ITK: variants seen among roughly 807,000 people sequenced by gnomAD.
ITK encodes the protein tyrosine-protein kinase ITK/TSK.
A neutral mutation model predicts 87.6 loss-of-function variants in ITK; 45 were observed. The observed-to-expected ratio is 0.51, with a 90% CI of 0.40 to 0.66. The LOEUF (loss-of-function observed/expected upper bound fraction) is 0.66. Ranked by LOEUF, ITK falls within the 30% of genes least tolerant of loss-of-function variation. The pLI is 0.00. For missense variants in ITK, 605 were observed against 766.3 expected, an observed-to-expected ratio of 0.79 and a Z score of 2.48; for synonymous variants, 303 against 273.6, an observed-to-expected ratio of 1.11 and a Z score of -1.06.
At chr5:157,249,733 T>G (rs77323274) in intron 16 of ITK, among the ~76,000 whole-genome samples, 2,534 of 152,374 alleles carry the variant, frequency 0.017, 31 homozygotes, top group Non-Finnish European at 0.028. Flanking sequence ...AACTTCCTTT[T>G]TCTTACTGTT....
chr5:157,234,775 G>C (rs905891183), intron 8 of ITK, among the ~76,000 whole-genome samples: 4 of 152,204 alleles, frequency 2.6e-5, no homozygotes, highest in Admixed American at 2.6e-4. Context: ...CACACACCAG[G>C]GTCTGTCAGT....
At chr5:157,226,146 G>A (rs1271499175) in intron 6 of ITK, among the ~76,000 whole-genome samples, 1 of 152,204 alleles carries the variant, frequency 6.6e-6, no homozygotes, top group African/African-American at 2.4e-5. Context: ...CATGTCATAT[G>A]TGTGACCATG....
chr5:157,228,624 A>C (rs908806297), intron 7 of ITK, among the ~76,000 whole-genome samples: 3 of 152,150 alleles, frequency 2.0e-5, no homozygotes, highest in Admixed American at 1.3e-4. Context: ...AGTACTTAAA[A>C]AGAAATTTTT....
chr5:157,252,573 A>G (rs1282593783), intron 16 of ITK, 34 bp from the exon 17 acceptor site: 26 of 1,544,494 alleles, frequency 1.7e-5, no homozygotes, highest in Non-Finnish European at 2.2e-5. Context: ...GCATAAGTAC[A>G]AGGAACTTAC....
rs140789631 is a variant in ITK, at chr5:157,218,168, G to A, written c.495+261G>A. The stretch of plus-strand genomic sequence containing the variant: ...AACAAATACTGATATCAAATTGGGT[G>A]GCCATTCACCTGACCACTTTGGAGT... On this transcript the variant is annotated intron_variant, in intron 5 of 16. Transcript: ENST00000422843. 3.9e-4 allele frequency among the ~76,000 whole-genome samples: 60 copies of A among 152,214 alleles called. 1 individual carries two copies. Among genetic ancestry groups the A allele is most frequent in the Non-Finnish European group, 7.4e-4 (50 of 68,008 alleles).
chr5:157,232,354 G>A lies in ITK; in HGVS notation c.728G>A (p.Ser243Asn), dbSNP rs764814711. The change falls in exon 8 of 17, where the codon AGT (serine) becomes AAT (asparagine). Residue 243 changes from serine (S) to asparagine (N), a missense_variant. By Grantham distance (46) the Ser-to-Asn change is conservative (BLOSUM62 1). Transcript: ENST00000422843. ...CTTGCTTTCAGGTGGTACAATAAGA[G>A]TATCAGCCGAGACAAAGCTGAAAAA... ...NLETYEWYNK[S>N]ISRDKAEKLL... 3 of 1,610,874 alleles carry A rather than the reference G, an allele frequency of 1.9e-6. No individual in the cohort carries two copies. The highest frequency in any genetic ancestry group is 2.5e-6 in the Non-Finnish European group (3 of 1,177,444).
intron 11 of ITK, 84 bp from the exon 12 acceptor site, chr5:157,243,539 G>T: frequency 8.8e-7 from 1 of 1,133,606 alleles, no homozygotes; most frequent in Non-Finnish European, 1.3e-6. Flanking sequence ...TAAAATTCTA[G>T]TTAGGGCTTT....
In ITK at chr5:157,245,968, C is replaced by T; in HGVS notation, c.1602C>T (p.Arg534=). ...WASPEVFSFS[R]YSSKSDVWSF... ...CCCCAGAGGTTTTCTCTTTCAGTCG[C>T]TATAGCAGCAAGTCCGATGTGTGGT... Residue 534 remains arginine, a synonymous_variant, in exon 15 of 17, where the codon CGC becomes CGT. Transcript: ENST00000422843. 6.2e-7 allele frequency: 1 copy of T among 1,613,920 alleles called. No homozygotes were observed. Among genetic ancestry groups the T allele is most frequent in the Non-Finnish European group, 8.5e-7 (1 of 1,179,798 alleles).
chr5:157,187,442 A>AG (rs149146760), intron 1 of ITK, among the ~76,000 whole-genome samples: 1 of 152,340 alleles, frequency 6.6e-6, no homozygotes, highest in Non-Finnish European at 1.5e-5. Flanking sequence ...TCAGCTGGAG[A>AG]GGTTAGAGAC....
chr5:157,184,262 G>A (rs1265512409), intron 1 of ITK, among the ~76,000 whole-genome samples: 1 of 152,160 alleles, frequency 6.6e-6, no homozygotes, highest in East Asian at 1.9e-4. Context: ...TTGTTGGAGA[G>A]CCCTGATTCA....
chr5:157,193,680 G>A (rs1753793992), intron 1 of ITK, among the ~76,000 whole-genome samples: 1 of 152,114 alleles, frequency 6.6e-6, no homozygotes, highest in Non-Finnish European at 1.5e-5. Context: ...TTCTTCAATG[G>A]ACATTTTCAG....
At chr5:157,206,648 T>A (rs1376374713) in intron 1 of ITK, among the ~76,000 whole-genome samples, 1 of 152,194 alleles carries the variant, frequency 6.6e-6, no homozygotes, top group Non-Finnish European at 1.5e-5. Context: ...GGATTCATTT[T>A]TCTAGGTTTT....
intron 4 of ITK, among the ~76,000 whole-genome samples, chr5:157,214,897 C>T (rs30140): frequency 0.23 from 34,250 of 152,064 alleles, 4,458 homozygotes; most frequent in Admixed American, 0.29. Flanking sequence ...TTGACCTCCA[C>T]AGTCTCAGAG....
At chr5:157,223,346 T>C (rs1008220570) in intron 6 of ITK, among the ~76,000 whole-genome samples, 2 of 152,222 alleles carry the variant, frequency 1.3e-5, no homozygotes, top group Non-Finnish European at 2.9e-5. Context: ...AGTGCTATTG[T>C]TCCTGAGTGT....
At chr5:157,187,686 G>A (rs76688684) in intron 1 of ITK, among the ~76,000 whole-genome samples, 1,651 of 152,198 alleles carry the variant, frequency 0.011, 10 homozygotes, top group Non-Finnish European at 0.019. Context: ...CAGGAGGGCC[G>A]GGTCCCAGCC....
chr5:157,209,036 G>A lies in ITK; in HGVS notation c.243+43G>A, dbSNP rs1310716494. 3.0e-6 allele frequency: 4 copies of A among 1,332,928 alleles called. No homozygotes were observed. In the South Asian group the frequency reaches 4.7e-5, roughly 16 times the overall value. 82.6% of individuals were successfully genotyped at this position (1,332,928 alleles called of 1,614,324 possible). On this transcript the variant is annotated intron_variant, in intron 2 of 16. Coordinates refer to ENST00000422843, the MANE Select transcript of ITK (RefSeq NM_005546.4). ...GTAGTTCCCCATTCCCTGGACTGTG[G>A]TTAAAATCTTCAGTCACAGCCGGGT...
chr5:157,208,869 A>T lies in ITK; in HGVS notation c.139-20A>T. On this transcript the variant is annotated intron_variant, in intron 1 of 16. Transcript: ENST00000422843. The stretch of plus-strand genomic sequence containing the variant: ...TTGTCTTCTTTCTTACATGAATGGG[A>T]TGTTCTTCTCTCCCCACAGAAGAAG... 6.6e-7 allele frequency: 1 copy of T among 1,515,090 alleles called. No individual in the cohort carries two copies. Among genetic ancestry groups the T allele is most frequent in the African/African-American group, 1.4e-5 (1 of 73,108 alleles). The allele number at this position is 1,515,090 out of a possible 1,614,324, so 93.9% of individuals were successfully genotyped here. A position where few individuals can be genotyped will look rare whatever the true frequency, so the allele number is the denominator to read the frequency against.
At chr5:157,216,533 G>T (rs973435428) in intron 4 of ITK, among the ~76,000 whole-genome samples, 4 of 152,142 alleles carry the variant, frequency 2.6e-5, no homozygotes, top group African/African-American at 9.7e-5. Context: ...CTGGGAAGCA[G>T]CAGAAGTGGA....
Position 157,214,923 on chromosome 5 carries a change from T to C in ITK, c.454+604T>C, listed in dbSNP as rs770386540. 2.6e-4 allele frequency among the ~76,000 whole-genome samples: 39 copies of C among 152,168 alleles called. 1 individual carries two copies. The highest frequency in any genetic ancestry group is 1.3e-4 in the Admixed American group (2 of 15,268). On this transcript the variant is annotated intron_variant, in intron 4 of 16. Transcript: ENST00000422843. ...AGTCTCAGAGAGGAGAAGGCCGCAG[T>C]CTAAATGCAAAGTGAAAACAAAAAA...
Sources: gnomAD v4.1 joint callset for allele counts (sites outside exome capture counted in the v4.1 genomes callset) on GRCh38, gnomAD v4.1.1 for gene constraint, MANE v1.5 for transcripts, NCBI Gene and HGNC (gene_info 2026-07-23, HGNC 2026-07-21) for gene names.